The following LRP2 variants were observed in gnomAD, a reference collection of about 807,000 sequenced individuals.
LRP2 encodes LDL receptor related protein 2.
A neutral mutation model predicts 531.0 loss-of-function variants in LRP2; 172 were observed. The ratio of observed to expected loss-of-function variants is 0.32; its 90% CI spans 0.29 to 0.37. The LOEUF is 0.37. Ranked by LOEUF, LRP2 falls within the 10% of genes least tolerant of loss-of-function variation. LRP2 has a pLI of 1.00. For missense variants in LRP2, 5,167 were observed against 5,868.3 expected (o/e 0.88, Z 3.90); for synonymous variants, 1,992 against 2,027.6 (o/e 0.98, Z 0.47).
chr2:169,357,706 C>T (rs546256838), intron 1 of LRP2, among the ~76,000 whole-genome samples: 3 of 152,276 alleles, frequency 2.0e-5, no homozygotes, highest in African/African-American at 7.2e-5. Context: ...TATGACAATG[C>T]ACTTGCTTCT....
At chr2:169,156,739 G>A (rs1422843570) in intron 64 of LRP2, among the ~76,000 whole-genome samples, 2 of 152,284 alleles carry the variant, frequency 1.3e-5, no homozygotes, top group East Asian at 1.9e-4. Context: ...CATATGTTGT[G>A]TTGTATTGTT....
At chr2:169,312,728 T>A (rs1424003951) in intron 3 of LRP2, among the ~76,000 whole-genome samples, 2 of 152,198 alleles carry the variant, frequency 1.3e-5, no homozygotes, top group Non-Finnish European at 2.9e-5. Flanking sequence ...TCTCTGTATT[T>A]CCTGAATTTG....
At chr2:169,302,825 A>G (rs1684319366) in intron 4 of LRP2, among the ~76,000 whole-genome samples, 2 of 152,122 alleles carry the variant, frequency 1.3e-5, no homozygotes, top group South Asian at 2.1e-4. Flanking sequence ...CTTATGAGAC[A>G]TATCAACTAA....
At position 169,243,060 on chromosome 2, in the gene LRP2, G is replaced by C; in HGVS notation, c.3563C>G (p.Thr1188Ser). Residue 1188 changes from threonine to serine, a missense_variant, in exon 24 of 79, where the codon ACT (threonine) becomes AGT (serine). Thr to Ser is a moderately conservative substitution (Grantham distance 58). Transcript: ENST00000649046. ...SDEVGCVLNCTASQFKCASGD... is the reference protein window; with the variant it reads ...SDEVGCVLNCSASQFKCASGD... ...ACTGGCACACTTGAATTGAGAAGCA[G>C]TACAGTTTAATACTAAGAATGAAAG... The C allele has an allele frequency of 1.2e-6, 2 of 1,611,776 alleles. No homozygotes were observed. The highest frequency in any genetic ancestry group is 2.2e-5 in the South Asian group (2 of 91,028).
rs376019651 is a variant in LRP2, at chr2:169,162,538, T to C, written c.11821A>G (p.Ile3941Val). The C allele has an allele frequency of 1.9e-6, 3 of 1,613,962 alleles. No individual in the cohort carries two copies. Among genetic ancestry groups the C allele is most frequent in the Non-Finnish European group, 2.5e-6 (3 of 1,179,902 alleles). Residue 3941 changes from isoleucine (I) to valine (V), a missense_variant, in exon 63 of 79, where the codon ATT becomes GTT. Physicochemically the swap from Ile to Val is conservative, Grantham distance 29. Around this residue, in one of 6 missense-constraint regions of LRP2, gnomAD observed 564 missense variants for 747.7 expected, o/e 0.75. Coordinates refer to ENST00000649046, the MANE Select transcript of LRP2 (RefSeq NM_004525.3). ...TCATCACACACATTGTCATGTGGAA[T>C]GCAATGCCCATTGCCACACTTATAT... ...YEYKCGNGHC[I>V]PHDNVCDDAD...
rs762793934 is a variant in LRP2 at position 169,140,615 on chromosome 2, G to T, written c.13109-70C>A. ...GCAGAGTGCCCACACCATGCAAACC[G>T]GCCCAGGTTAGGGGTGGGAGGAGGG... On this transcript the variant is annotated intron_variant, in intron 71 of 78. Coordinates refer to ENST00000649046, the MANE Select transcript of LRP2 (RefSeq NM_004525.3). 4.1e-6 allele frequency: 5 copies of T among 1,232,404 alleles called. No individual in the cohort carries two copies. In the East Asian group the frequency reaches 7.0e-5, roughly 17 times the overall value. The allele number at this position is 1,232,404 out of a possible 1,614,324, so 76.3% of individuals were successfully genotyped here.
chr2:169,192,290 T>G (rs1687856956), intron 47 of LRP2, among the ~76,000 whole-genome samples: 1 of 152,210 alleles, frequency 6.6e-6, no homozygotes, highest in Non-Finnish European at 1.5e-5. Flanking sequence ...TAAAATACAT[T>G]AGAATGGTCA....
chr2:169,258,068 G>A (rs80285316), intron 17 of LRP2, among the ~76,000 whole-genome samples: 2,103 of 152,144 alleles, frequency 0.014, 49 homozygotes, highest in African/African-American at 0.048. Flanking sequence ...TCTCTATAGG[G>A]CAATGAAATT....
chr2:169,237,982 C>G, intron 27 of LRP2, 109 bp downstream of exon 27: 1 of 890,044 alleles, frequency 1.1e-6, no homozygotes. Context: ...CAGAAGGTAC[C>G]ATGAGAGCTA....
intron 1 of LRP2, among the ~76,000 whole-genome samples, chr2:169,359,532 A>G (rs1486094187): frequency 6.6e-6 from 1 of 152,236 alleles, no homozygotes. Flanking sequence ...AGGCTGTTAC[A>G]ATCTCATTGG....
intron 42 of LRP2, 47 bp from the exon 43 acceptor site, chr2:169,203,006 C>T (rs111811756): frequency 3.9e-6 from 6 of 1,520,990 alleles, no homozygotes; most frequent in East Asian, 2.3e-5. Context: ...ATGCAGCCAC[C>T]GTTCACATTG....
rs199849839 is a variant in LRP2, at chr2:169,213,852, C to T, written c.5845G>A (p.Asp1949Asn). The change falls in exon 36 of 79, where the codon GAT becomes AAT. Residue 1949 changes from aspartate (D) to asparagine (N), a missense_variant. Asp to Asn is a conservative substitution (Grantham distance 23). Coordinates refer to ENST00000649046, the MANE Select transcript of LRP2 (RefSeq NM_004525.3). ...GRGVIERGNVDGTDRMILVHQ... is the reference protein window; with the variant it reads ...GRGVIERGNVNGTDRMILVHQ... ...ACCAGGATCATTCGATCTGTTCCAT[C>T]CACGTTTCCTCTTTCAATCTAAAGG... The T allele has an allele frequency of 9.3e-6, 15 of 1,613,064 alleles. No individual in the cohort carries two copies. Among genetic ancestry groups the T allele is most frequent in the South Asian group, 1.1e-5 (1 of 91,052 alleles).
intron 1 of LRP2, among the ~76,000 whole-genome samples, chr2:169,361,073 T>C (rs1398766056): frequency 1.3e-5 from 2 of 152,152 alleles, no homozygotes; most frequent in East Asian, 3.9e-4. Context: ...AGGGGTTTCA[T>C]TTTCATTGTA....
At chr2:169,255,979 T>C in intron 19 of LRP2, 127 bp downstream of exon 19, 2 of 931,326 alleles carry the variant, frequency 2.1e-6, no homozygotes, top group South Asian at 3.0e-5. Context: ...ATAGCACCAT[T>C]TTAAATTTTT....
chr2:169,232,558 A>G (rs1689447268), intron 30 of LRP2, among the ~76,000 whole-genome samples: 1 of 151,856 alleles, frequency 6.6e-6, no homozygotes, highest in Non-Finnish European at 1.5e-5. Flanking sequence ...AGAGAGAGAG[A>G]GGTTTCAGAA....
Position 169,169,403 on chromosome 2 carries a change from T to G in LRP2, c.11497+299A>C, listed in dbSNP as rs372050038. The stretch of plus-strand genomic sequence containing the variant: ...TTCGTTGCTTGAATATTTTTTTACC[T>G]GAAATGTTTTTTATCTAATTAATGA... On this transcript the variant is annotated intron_variant, in intron 60 of 78. Coordinates refer to ENST00000649046, the MANE Select transcript of LRP2 (RefSeq NM_004525.3). 2.6e-5 allele frequency among the ~76,000 whole-genome samples: 4 copies of G among 152,386 alleles called. 1 individual carries two copies.
chr2:169,279,479 G>A lies in LRP2; in HGVS notation c.1458C>T (p.Thr486=), dbSNP rs770720821. The A allele has an allele frequency of 3.1e-6, 5 of 1,613,698 alleles. No individual in the cohort carries two copies. Among genetic ancestry groups the A allele is most frequent in the African/African-American group, 2.7e-5 (2 of 74,996 alleles). ...TTACCATATCTATGCGGTTGACCTT[G>A]GTTTCCACTAGATAGATTTTATTAT... ...WVNNKIYLVE[T]KVNRIDMVNL... The change falls in exon 12 of 79, where the codon ACC becomes ACT. Residue 486 remains threonine, a synonymous_variant. Transcript: ENST00000649046.
intron 1 of LRP2, among the ~76,000 whole-genome samples, chr2:169,321,292 C>T (rs1039280386): frequency 3.3e-5 from 5 of 151,916 alleles, no homozygotes; most frequent in Non-Finnish European, 7.4e-5. Flanking sequence ...AGTTGCAAAC[C>T]TCCTAAATGT....
intron 64 of LRP2, 101 bp downstream of exon 64, chr2:169,157,269 CA>C: frequency 8.1e-7 from 1 of 1,229,126 alleles, no homozygotes; most frequent in Non-Finnish European, 1.2e-6. Context: ...AGTATGGTAC[CA>C]TTAAGGGAAT....
Sources: allele counts gnomAD v4.1 joint callset (sites outside exome capture counted in the v4.1 genomes callset), GRCh38; gene constraint gnomAD v4.1.1; regional missense constraint gnomAD v4.1.1; transcripts MANE v1.5; gene names NCBI Gene and HGNC (gene_info 2026-07-23, HGNC 2026-07-21).